Variants in DLC1 observed in about 807,000 individuals in gnomAD.
DLC1 encodes DLC1 Rho GTPase activating protein.
Under a neutral mutation model 140.3 loss-of-function variants are expected in DLC1, and 54 were observed. That is an observed-to-expected ratio of 0.38 (90% confidence interval 0.31 to 0.48). The LOEUF is 0.48. DLC1 is among the 20% of genes least tolerant of loss of function. The pLI is 0.96. For missense variants in DLC1, 2,536 were observed against 1,907.0 expected, an observed-to-expected ratio of 1.33 and a Z score of -6.14; for synonymous variants, 986 against 728.1, an observed-to-expected ratio of 1.35 and a Z score of -5.70.
At chr8:13,544,586 A>C (rs887281699) in intron 1 of DLC1, among the ~76,000 whole-genome samples, 1 of 152,180 alleles carries the variant, frequency 6.6e-6, no homozygotes. Flanking sequence ...GGGCTGCTCC[A>C]TTACATACTG....
chr8:13,370,620 T>G (rs1394759284), intron 4 of DLC1, among the ~76,000 whole-genome samples: 2 of 152,208 alleles, frequency 1.3e-5, no homozygotes, highest in African/African-American at 4.8e-5. Flanking sequence ...AAAGTCCAGT[T>G]GTAGGGCTGG....
chr8:13,478,869 G>C (rs1585176914), intron 2 of DLC1, among the ~76,000 whole-genome samples: 1 of 152,184 alleles, frequency 6.6e-6, no homozygotes, highest in African/African-American at 2.4e-5. Context: ...TGAACCCACT[G>C]AAAATAAGCA....
intron 5 of DLC1, among the ~76,000 whole-genome samples, chr8:13,173,656 C>T (rs1028327618): frequency 6.6e-6 from 1 of 152,200 alleles, no homozygotes; most frequent in African/African-American, 2.4e-5. Context: ...AGGCTTGAGC[C>T]ACCGCGCCCG....
chr8:13,318,278 C>T (rs1246645162), intron 4 of DLC1, among the ~76,000 whole-genome samples: 1 of 151,396 alleles, frequency 6.6e-6, no homozygotes, highest in East Asian at 1.9e-4. Flanking sequence ...AAGTGATCCT[C>T]TTGCCTTGGC....
chr8:13,506,566 C>T (rs1229445464), intron 1 of DLC1, among the ~76,000 whole-genome samples: 10 of 10,508 alleles, frequency 9.5e-4, no homozygotes, highest in Non-Finnish European at 3.7e-3. Context: ...CACACACACA[C>T]ATGTGTGTGT....
chr8:13,583,590 T>C (rs576918164), intron 1 of DLC1, among the ~76,000 whole-genome samples: 4 of 152,338 alleles, frequency 2.6e-5, no homozygotes, highest in African/African-American at 7.2e-5. Flanking sequence ...CAATATAAGT[T>C]AGGCACAATA....
In DLC1 at chr8:13,221,745, T is replaced by A. The variant is rs139402733; in HGVS notation, c.1348+83524A>T. On this transcript the variant is annotated intron_variant, in intron 5 of 17. Coordinates refer to ENST00000276297, the MANE Select transcript of DLC1 (RefSeq NM_182643.3). ...GTGTGTGTATATATATATATATATA[T>A]GATAAACCATTATATATAATATTAA... Among the ~76,000 whole-genome samples the A allele has an allele frequency of 2.1e-5, 3 of 141,742 alleles. 1 individual carries two copies. Among genetic ancestry groups the A allele is most frequent in the South Asian group, 4.3e-4 (2 of 4,614 alleles). The allele number at this position is 141,742 out of a possible 152,430, so 93.0% of individuals were successfully genotyped here. A position where few individuals can be genotyped will look rare whatever the true frequency, so the allele number is the denominator to read the frequency against.
chr8:13,303,090 A>C (rs1027890631), intron 5 of DLC1, among the ~76,000 whole-genome samples: 11 of 152,232 alleles, frequency 7.2e-5, no homozygotes, highest in African/African-American at 2.7e-4. Flanking sequence ...CTTGAAAAAA[A>C]ATCCTTTATT....
At chr8:13,334,170 C>T (rs1428228347) in intron 4 of DLC1, among the ~76,000 whole-genome samples, 1 of 152,030 alleles carries the variant, frequency 6.6e-6, no homozygotes, top group Non-Finnish European at 1.5e-5. Flanking sequence ...TTGAGTTGCA[C>T]CATGAATAAC....
intron 2 of DLC1, among the ~76,000 whole-genome samples, chr8:13,427,544 CT>C (rs1838649784): frequency 6.6e-6 from 1 of 152,204 alleles, no homozygotes; most frequent in Non-Finnish European, 1.5e-5. Context: ...CAACTCTATG[CT>C]GCTTTTCAGC....
intron 5 of DLC1, among the ~76,000 whole-genome samples, chr8:13,213,600 G>C (rs571555873): frequency 7.2e-5 from 11 of 152,134 alleles, no homozygotes; most frequent in Admixed American, 3.9e-4. Flanking sequence ...CATTTCCGGC[G>C]AAAGAAACCA....
chr8:13,297,585 G>A (rs1490515481), intron 5 of DLC1, among the ~76,000 whole-genome samples: 2 of 152,046 alleles, frequency 1.3e-5, no homozygotes, highest in African/African-American at 4.8e-5. Context: ...GGAGTACTGC[G>A]CTGAATGAAA....
At chr8:13,398,966 A>G (rs1049534811) in intron 3 of DLC1, among the ~76,000 whole-genome samples, 1 of 152,128 alleles carries the variant, frequency 6.6e-6, no homozygotes, top group African/African-American at 2.4e-5. Context: ...ATGCTAAGAG[A>G]TAAGTGCAAG....
chr8:13,101,426 T>C (rs1191490558), intron 8 of DLC1, among the ~76,000 whole-genome samples: 3 of 152,250 alleles, frequency 2.0e-5, no homozygotes, highest in Non-Finnish European at 2.9e-5. Flanking sequence ...GGACTGCCTC[T>C]GGGCTGCCTT....
chr8:13,475,504 T>A (rs576418964), intron 2 of DLC1, among the ~76,000 whole-genome samples: 1 of 152,212 alleles, frequency 6.6e-6, no homozygotes, highest in African/African-American at 2.4e-5. Context: ...TTTTTGGACT[T>A]ACTTAGTGAA....
intron 5 of DLC1, among the ~76,000 whole-genome samples, chr8:13,295,660 G>C (rs375967785): frequency 6.6e-6 from 1 of 152,128 alleles, no homozygotes; most frequent in African/African-American, 2.4e-5. Context: ...AAATCAAAGT[G>C]CTTCAAGCCA....
chr8:13,172,115 T>C (rs79394944), intron 5 of DLC1, among the ~76,000 whole-genome samples: 8,782 of 152,316 alleles, frequency 0.058, 274 homozygotes, highest in African/African-American at 0.064. Context: ...CAAAACATTT[T>C]ATAGATGTCA....
intron 4 of DLC1, among the ~76,000 whole-genome samples, chr8:13,312,424 C>A (rs1017168734): frequency 6.9e-6 from 1 of 144,202 alleles, no homozygotes; most frequent in African/African-American, 2.6e-5. Context: ...CAGAAAGAGC[C>A]CCATGACTGG....
intron 2 of DLC1, among the ~76,000 whole-genome samples, chr8:13,457,973 A>G (rs1361276436): frequency 6.6e-6 from 1 of 152,200 alleles, no homozygotes; most frequent in East Asian, 1.9e-4. Flanking sequence ...TTATTAAAGT[A>G]TAGAATAGGT....
Sources: allele counts gnomAD v4.1 joint callset (sites outside exome capture counted in the v4.1 genomes callset), GRCh38; gene constraint gnomAD v4.1.1; transcripts MANE v1.5; gene names NCBI Gene and HGNC (gene_info 2026-07-23, HGNC 2026-07-21).